BNC2: variants seen among roughly 807,000 people sequenced by gnomAD.
BNC2 encodes the protein basonuclin zinc finger protein 2.
In BNC2, 20 loss-of-function variants were observed where a neutral mutation model predicts 76.3. The ratio of observed to expected loss-of-function variants is 0.26; its 90% CI spans 0.18 to 0.38. The LOEUF (loss-of-function observed/expected upper bound fraction) is 0.38. BNC2 is among the 10% of genes least tolerant of loss of function. BNC2 has a pLI of 1.00. For missense variants in BNC2, 1,382 were observed against 1,399.8 expected (o/e 0.99, Z 0.20); for synonymous variants, 582 against 514.8 (o/e 1.13, Z -1.77).
At chr9:16,832,397 G>T in intron 1 of BNC2, 1 of 877,288 alleles carries the variant, frequency 1.1e-6, no homozygotes, top group Non-Finnish European at 1.5e-6. Flanking sequence ...CAGTTTTAGA[G>T]GCCTAGAAGA....
intron 3 of BNC2, among the ~76,000 whole-genome samples, chr9:16,675,182 A>C (rs1822601427): frequency 6.6e-6 from 1 of 152,084 alleles, no homozygotes; most frequent in East Asian, 1.9e-4. Flanking sequence ...ACCTTTCCTG[A>C]GGTCTAACTG....
chr9:16,653,925 C>G (rs1821857765), intron 3 of BNC2, among the ~76,000 whole-genome samples: 1 of 152,036 alleles, frequency 6.6e-6, no homozygotes, highest in African/African-American at 2.4e-5. Context: ...GCCTCCCCCA[C>G]TCCTTCCTCG....
intron 1 of BNC2, among the ~76,000 whole-genome samples, chr9:16,845,469 C>T (rs1056792047): frequency 6.6e-6 from 1 of 152,106 alleles, no homozygotes. Context: ...CACCTGTAAT[C>T]CCAGCAATTT....
intron 5 of BNC2, among the ~76,000 whole-genome samples, chr9:16,487,297 C>G (rs140798522): frequency 6.6e-5 from 10 of 152,220 alleles, no homozygotes; most frequent in African/African-American, 2.2e-4. Flanking sequence ...TGAACGCTGA[C>G]ACCTAACAGG....
chr9:16,682,770 G>C (rs765911902), intron 3 of BNC2, among the ~76,000 whole-genome samples: 89 of 152,248 alleles, frequency 5.8e-4, no homozygotes, highest in Non-Finnish European at 8.1e-4. Flanking sequence ...AAAATACCAA[G>C]TCAAACCTCA....
At chr9:16,795,155 A>G (rs1817610137) in intron 1 of BNC2, among the ~76,000 whole-genome samples, 1 of 152,194 alleles carries the variant, frequency 6.6e-6, no homozygotes, top group African/African-American at 2.4e-5. Context: ...TAGAGTTGAA[A>G]ACAGGAACAC....
chr9:16,812,591 G>T (rs1818079717), intron 1 of BNC2, among the ~76,000 whole-genome samples: 1 of 152,140 alleles, frequency 6.6e-6, no homozygotes, highest in African/African-American at 2.4e-5. Flanking sequence ...CATTTTTGGA[G>T]TGTTTCATCT....
At chr9:16,861,212 G>C (rs907542661) in intron 1 of BNC2, among the ~76,000 whole-genome samples, 17 of 132,214 alleles carry the variant, frequency 1.3e-4, no homozygotes, top group Admixed American at 7.2e-4. Context: ...AAATTAACCA[G>C]GCATCGTGGC....
At chr9:16,421,047 T>C (rs1307327402) in intron 6 of BNC2, among the ~76,000 whole-genome samples, 2 of 152,210 alleles carry the variant, frequency 1.3e-5, no homozygotes, top group Non-Finnish European at 1.5e-5. Flanking sequence ...CTCCCGATTA[T>C]ACTTAAAAGT....
chr9:16,418,389 T>C lies in BNC2; in HGVS notation c.*600A>G, dbSNP rs1820629971. ...CATATCTAACAGCTGGATGTAACTGTAAAAATTAAACAAAAAAGTTAAACA... is the reference window on the plus strand; with the variant it reads ...CATATCTAACAGCTGGATGTAACTGCAAAAATTAAACAAAAAAGTTAAACA... On this transcript the variant is annotated 3_prime_UTR_variant, in exon 7 of 7. Transcript: ENST00000380672. 2.0e-5 allele frequency: 3 copies of C among 152,826 alleles called. No individual in the cohort carries two copies. The highest frequency in any genetic ancestry group is 1.3e-4 in the Admixed American group (2 of 15,298). 9.5% of individuals were successfully genotyped at this position (152,826 alleles called of 1,614,324 possible). A position where few individuals can be genotyped will look rare whatever the true frequency, so the allele number is the denominator to read the frequency against.
At chr9:16,619,490 T>C (rs1021104388) in intron 3 of BNC2, among the ~76,000 whole-genome samples, 4 of 152,238 alleles carry the variant, frequency 2.6e-5, no homozygotes, top group African/African-American at 9.6e-5. Context: ...TCAGTTAAAA[T>C]AATATATTAC....
intron 3 of BNC2, among the ~76,000 whole-genome samples, chr9:16,629,660 A>T (rs548863337): frequency 6.6e-6 from 1 of 152,182 alleles, no homozygotes; most frequent in African/African-American, 2.4e-5. Context: ...ACCAAGTCAC[A>T]TGATTTTTTT....
At chr9:16,439,021 T>C (rs975202142) in intron 5 of BNC2, among the ~76,000 whole-genome samples, 1 of 152,150 alleles carries the variant, frequency 6.6e-6, no homozygotes, top group Non-Finnish European at 1.5e-5. Context: ...GTACTGTTCC[T>C]ATGACAGTGA....
chr9:16,859,616 G>A (rs77022606), intron 1 of BNC2, among the ~76,000 whole-genome samples: 5,054 of 152,192 alleles, frequency 0.033, 286 homozygotes, highest in African/African-American at 0.12. Context: ...AGACAAATAT[G>A]TACTGCATGA....
At chr9:16,424,657 T>C (rs1017745200) in intron 6 of BNC2, among the ~76,000 whole-genome samples, 2 of 152,228 alleles carry the variant, frequency 1.3e-5, no homozygotes, top group Admixed American at 1.3e-4. Flanking sequence ...ATGGGGAGAA[T>C]GGGAGAGAGA....
intron 3 of BNC2, among the ~76,000 whole-genome samples, chr9:16,672,293 C>A (rs1822500753): frequency 6.6e-6 from 1 of 152,138 alleles, no homozygotes; most frequent in Non-Finnish European, 1.5e-5. Context: ...GTCAGGAGAT[C>A]CAGACGGTCC....
chr9:16,457,646 C>A (rs115474575), intron 5 of BNC2, among the ~76,000 whole-genome samples: 3,122 of 152,280 alleles, frequency 0.021, 106 homozygotes, highest in African/African-American at 0.071. Flanking sequence ...CGTAGGCATG[C>A]TTTGCCTAGC....
At chr9:16,446,479 T>C (rs1821234073) in intron 5 of BNC2, among the ~76,000 whole-genome samples, 1 of 152,052 alleles carries the variant, frequency 6.6e-6, no homozygotes, top group African/African-American at 2.4e-5. Flanking sequence ...CTGATCCATA[T>C]TTGAAAAAAA....
intron 3 of BNC2, among the ~76,000 whole-genome samples, chr9:16,648,975 A>C (rs1297783461): frequency 6.6e-6 from 1 of 152,350 alleles, no homozygotes; most frequent in East Asian, 1.9e-4. Context: ...TTATGTGCTA[A>C]AATAGCATAA....
Sources: gnomAD v4.1 joint callset for allele counts (sites outside exome capture counted in the v4.1 genomes callset) on GRCh38, gnomAD v4.1.1 for gene constraint, MANE v1.5 for transcripts, NCBI Gene and HGNC (gene_info 2026-07-23, HGNC 2026-07-21) for gene names.